SUDS3: variants seen among roughly 807,000 people sequenced by gnomAD.
The protein encoded by SUDS3 is SIN3A corepressor complex component SDS3, also known as sin3 histone deacetylase corepressor complex component SDS3.
SUDS3 carries 23 observed loss-of-function variants against 53.5 expected under a neutral mutation model. That is an observed-to-expected ratio of 0.43 (90% CI 0.31 to 0.61). The LOEUF is 0.61. Among genes scored for constraint, SUDS3 ranks in the 20% least tolerant of loss-of-function variants. The pLI, the probability that SUDS3 is intolerant of heterozygous loss-of-function variation, is 0.10. For missense variants in SUDS3, 291 were observed against 405.9 expected (o/e 0.72, Z 2.43); for synonymous variants, 150 against 148.5 (o/e 1.01, Z -0.08).
At chr12:118,387,346 T>C (rs776375833) in intron 4 of SUDS3, among the ~76,000 whole-genome samples, 1 of 152,208 alleles carries the variant, frequency 6.6e-6, no homozygotes, top group East Asian at 1.9e-4. Context: ...CTCCTCACTT[T>C]AGATCTGATC....
intron 10 of SUDS3, among the ~76,000 whole-genome samples, chr12:118,409,146 ATTCT>A (rs1197828498): frequency 1.3e-5 from 2 of 150,080 alleles, no homozygotes; most frequent in African/African-American, 4.9e-5. Flanking sequence ...TGAATTTAAA[ATTCT>A]TTTTTTTTTT....
intron 5 of SUDS3, 22 bp from the exon 6 acceptor site, chr12:118,391,104 C>T: frequency 6.2e-7 from 1 of 1,611,390 alleles, no homozygotes; most frequent in South Asian, 1.1e-5. Context: ...GTACTCCCAG[C>T]CCGTGTTTCT....
At chr12:118,385,113 T>C (rs73205578) in intron 3 of SUDS3, among the ~76,000 whole-genome samples, 15,982 of 144,068 alleles carry the variant, frequency 0.11, 1,070 homozygotes, top group Middle Eastern at 0.18. Flanking sequence ...TTTGCTTTTC[T>C]TTTTTTTTTT....
chr12:118,394,700 T>C (rs1262766045), intron 6 of SUDS3, among the ~76,000 whole-genome samples: 3 of 152,174 alleles, frequency 2.0e-5, no homozygotes, highest in African/African-American at 7.2e-5. Flanking sequence ...CATTGATTTA[T>C]TTAAAGACAG....
chr12:118,413,891 C>A (rs1215181550), intron 11 of SUDS3, among the ~76,000 whole-genome samples: 4 of 152,068 alleles, frequency 2.6e-5, no homozygotes, highest in African/African-American at 9.7e-5. Flanking sequence ...GCCTTCATTG[C>A]CAGGAAACCA....
At chr12:118,382,290 T>C (rs1239993800) in intron 2 of SUDS3, among the ~76,000 whole-genome samples, 2 of 151,760 alleles carry the variant, frequency 1.3e-5, no homozygotes, top group East Asian at 3.9e-4. Flanking sequence ...TCAGATGATC[T>C]GCTTGCTTCA....
chr12:118,403,515 A>G lies in SUDS3; in HGVS notation c.801A>G (p.Arg267=). ...ATGGCAAACTGTACTATGACAAAAGATGGTATGTTATGGGAAAACCTGGAC... is the reference window on the plus strand; with the variant it reads ...ATGGCAAACTGTACTATGACAAAAGGTGGTATGTTATGGGAAAACCTGGAC... ...IEDGKLYYDK[R]WYHKSQAIYL... is the part of the protein sequence containing the mutation. The change falls in exon 10 of 12, where the codon AGA becomes AGG. Residue 267 remains arginine, a splice_region_variant and synonymous_variant. Transcript: ENST00000543473. 6.2e-7 allele frequency: 1 copy of G among 1,610,452 alleles called. No individual in the cohort carries two copies. Among genetic ancestry groups the G allele is most frequent in the South Asian group, 1.1e-5 (1 of 90,112 alleles).
intron 11 of SUDS3, 91 bp downstream of exon 11, chr12:118,411,248 A>G: frequency 8.6e-7 from 1 of 1,157,482 alleles, no homozygotes; most frequent in South Asian, 1.3e-5. Flanking sequence ...GCCACCAAGG[A>G]AGTACAGTGG....
At chr12:118,410,584 A>AT (rs893317604) in intron 10 of SUDS3, among the ~76,000 whole-genome samples, 4 of 135,662 alleles carry the variant, frequency 2.9e-5, no homozygotes, top group Middle Eastern at 7.4e-3. Context: ...TATTTATTTT[A>AT]TTTATTTATT....
chr12:118,409,222 G>A (rs2046336094), intron 10 of SUDS3, among the ~76,000 whole-genome samples: 2 of 150,096 alleles, frequency 1.3e-5, no homozygotes, highest in South Asian at 4.2e-4. Flanking sequence ...ATCTTGGCTT[G>A]CTGCAAGCTC....
At chr12:118,410,193 G>C (rs1315387845) in intron 10 of SUDS3, among the ~76,000 whole-genome samples, 1 of 152,158 alleles carries the variant, frequency 6.6e-6, no homozygotes, top group Non-Finnish European at 1.5e-5. Flanking sequence ...CATAGTCCGT[G>C]GTACACAGTA....
chr12:118,381,725 C>T (rs747471842), intron 2 of SUDS3, among the ~76,000 whole-genome samples: 1 of 151,942 alleles, frequency 6.6e-6, no homozygotes, highest in Non-Finnish European at 1.5e-5. Context: ...TCCACGTTTG[C>T]ACCTGCTCTC....
intron 5 of SUDS3, 162 bp from the exon 6 acceptor site, chr12:118,390,964 A>G (rs776227240): frequency 6.1e-5 from 50 of 824,044 alleles, no homozygotes; most frequent in Non-Finnish European, 9.3e-5. Flanking sequence ...GTCTGATTTT[A>G]TACCCTCGCT....
At chr12:118,390,854 C>A in intron 5 of SUDS3, 1 of 428,974 alleles carries the variant, frequency 2.3e-6, no homozygotes, top group Non-Finnish European at 4.4e-6. Context: ...TATTTACTAC[C>A]TTTGAGAAAT....
At chr12:118,391,482 A>G (rs907363598) in intron 6 of SUDS3, among the ~76,000 whole-genome samples, 200 bp downstream of exon 6, 9 of 152,132 alleles carry the variant, frequency 5.9e-5, no homozygotes, top group South Asian at 2.1e-4. Context: ...TTTCTCCTCT[A>G]TGAAATGGGG....
intron 2 of SUDS3, among the ~76,000 whole-genome samples, chr12:118,382,111 C>T (rs1166492964): frequency 6.6e-6 from 1 of 151,936 alleles, no homozygotes; most frequent in Non-Finnish European, 1.5e-5. Context: ...ATGATCTCGT[C>T]TCACTGCAAC....
intron 6 of SUDS3, among the ~76,000 whole-genome samples, chr12:118,392,797 C>T (rs1160519184): frequency 6.6e-6 from 1 of 152,182 alleles, no homozygotes; most frequent in Admixed American, 6.5e-5. Flanking sequence ...ACAGCTGCTC[C>T]CTTTCCGTCT....
chr12:118,403,623 C>G, intron 10 of SUDS3, 106 bp downstream of exon 10: 1 of 851,852 alleles, frequency 1.2e-6, no homozygotes. Context: ...GCTAAACTTA[C>G]ATAGTACTAA....
chr12:118,409,822 G>T (rs1406060798), intron 10 of SUDS3, among the ~76,000 whole-genome samples: 1 of 152,258 alleles, frequency 6.6e-6, no homozygotes, highest in African/African-American at 2.4e-5. Context: ...TCCAGCAGGG[G>T]CTCCTTCATC....
Sources: allele counts gnomAD v4.1 joint callset (sites outside exome capture counted in the v4.1 genomes callset), GRCh38; gene constraint gnomAD v4.1.1; transcripts MANE v1.5; gene names NCBI Gene and HGNC (gene_info 2026-07-23, HGNC 2026-07-21).